The following MTDH variants were observed in gnomAD, a reference collection of about 807,000 sequenced individuals.
The protein encoded by MTDH is protein LYRIC.
Under a neutral mutation model 72.7 loss-of-function variants are expected in MTDH, and 34 were observed. The observed-to-expected ratio is 0.47, with a 90% CI of 0.36 to 0.62. The LOEUF (loss-of-function observed/expected upper bound fraction) is 0.62. MTDH is among the 20% of genes least tolerant of loss of function. The pLI is 0.00. For synonymous variants in MTDH, 266 were observed against 268.9 expected (o/e 0.99, Z 0.10); for missense variants, 677 against 699.4 (o/e 0.97, Z 0.36).
rs146233689 is a variant in MTDH at position 97,678,503 on chromosome 8, A to G, written c.484-8165A>G. Among the ~76,000 whole-genome samples, 894 of 151,808 alleles carry G rather than the reference A, an allele frequency of 5.9e-3. 5 individuals are homozygous for G. Among genetic ancestry groups the G allele is most frequent in the African/African-American group, 0.02 (818 of 41,430 alleles). On this transcript the variant is annotated intron_variant, in intron 2 of 11. Coordinates refer to ENST00000336273, the MANE Select transcript of MTDH (RefSeq NM_178812.4). ...GACTCTATTATAGCAAAATACTTTG[A>G]TAAAGCTGAACAACTTTTAAAAGCG...
chr8:97,722,940 A>G lies in MTDH; in HGVS notation c.1583A>G (p.Asp528Gly). ...CCATCTGTAATCTTATCAAAAAGTG[A>G]TTCTGACAAGAGCTCTTCCCAAGTG... ...TEPSVILSKS[D>G]SDKSSSQVPP... Residue 528 changes from aspartate to glycine, a missense_variant, in exon 11 of 12, where the codon GAT (aspartate) becomes GGT (glycine). Asp to Gly is a moderately conservative substitution (Grantham distance 94). Coordinates refer to ENST00000336273, the MANE Select transcript of MTDH (RefSeq NM_178812.4). 2 of 1,614,098 alleles carry G rather than the reference A, an allele frequency of 1.2e-6. No homozygotes were observed. The highest frequency in any genetic ancestry group is 1.7e-6 in the Non-Finnish European group (2 of 1,179,976).
At chr8:97,646,587 A>T (rs1182957287) in intron 1 of MTDH, among the ~76,000 whole-genome samples, 2 of 152,206 alleles carry the variant, frequency 1.3e-5, no homozygotes, top group Non-Finnish European at 2.9e-5. Context: ...GAGTTGAGAG[A>T]GACAGGTTCT....
chr8:97,689,576 AG>A (rs1271744284), intron 5 of MTDH, among the ~76,000 whole-genome samples: 1 of 152,182 alleles, frequency 6.6e-6, no homozygotes, highest in Non-Finnish European at 1.5e-5. Context: ...CTTTATAAAT[AG>A]AAAATATGTT....
At chr8:97,650,656 T>A (rs1440398103) in intron 1 of MTDH, among the ~76,000 whole-genome samples, 1 of 152,226 alleles carries the variant, frequency 6.6e-6, no homozygotes, top group Non-Finnish European at 1.5e-5. Flanking sequence ...GCTCCTCAGC[T>A]AGAGTTATAT....
At chr8:97,721,539 C>G (rs1032781707) in intron 10 of MTDH, among the ~76,000 whole-genome samples, 2 of 151,660 alleles carry the variant, frequency 1.3e-5, no homozygotes, top group Non-Finnish European at 2.9e-5. Flanking sequence ...TATCCTTATC[C>G]CATTTTGCTT....
intron 7 of MTDH, among the ~76,000 whole-genome samples, chr8:97,701,410 T>C (rs1375958555): frequency 1.3e-5 from 2 of 152,252 alleles, no homozygotes; most frequent in East Asian, 3.9e-4. Flanking sequence ...GTTTAGGGAA[T>C]AATGACAAGA....
chr8:97,672,812 T>TAGATAAA (rs1297101526), intron 2 of MTDH, among the ~76,000 whole-genome samples: 1 of 152,226 alleles, frequency 6.6e-6, no homozygotes, highest in Non-Finnish European at 1.5e-5. Context: ...AGTTCAAAGC[T>TAGATAAA]AGATAAAAGG....
chr8:97,699,693 G>A (rs1174499052), intron 6 of MTDH, 61 bp from the exon 7 acceptor site: 1 of 1,146,202 alleles, frequency 8.7e-7, no homozygotes, highest in Non-Finnish European at 1.3e-6. Flanking sequence ...TAGAACTATT[G>A]TTATGAAACA....
intron 1 of MTDH, among the ~76,000 whole-genome samples, chr8:97,653,962 C>T (rs117285526): frequency 0.012 from 1,772 of 152,176 alleles, 20 homozygotes; most frequent in Middle Eastern, 0.031. Flanking sequence ...TATTGAAAAC[C>T]AATGCTTGTA....
intron 8 of MTDH, among the ~76,000 whole-genome samples, chr8:97,707,449 CT>C (rs35528230): frequency 1.2e-3 from 98 of 80,222 alleles, no homozygotes; most frequent in African/African-American, 3.5e-3. Flanking sequence ...CATGCCTGGC[CT>C]TTTTTTTTTT....
intron 8 of MTDH, among the ~76,000 whole-genome samples, chr8:97,707,213 A>G (rs1425921487): frequency 1.3e-5 from 2 of 148,212 alleles, no homozygotes; most frequent in African/African-American, 5.0e-5. Context: ...GTGCAGTGGC[A>G]TGATCTCAGC....
rs376391821 is a variant in MTDH at position 97,710,683 on chromosome 8, CAAAAAAAA to C, written c.1273-2959_1273-2952del. On this transcript the variant is annotated intron_variant, in intron 8 of 11. Coordinates refer to ENST00000336273, the MANE Select transcript of MTDH (RefSeq NM_178812.4). ...CCTGGGCAACAGAGTGAGACTATCT[CAAAAAAAA>C]AAAAAAAAAAAAAAAAAAATAGATA... Among the ~76,000 whole-genome samples the C allele has an allele frequency of 8.3e-4, 44 of 53,108 alleles. 1 individual carries two copies. The highest frequency in any genetic ancestry group is 2.4e-3 in the Admixed American group (9 of 3,814). The allele number at this position is 53,108 out of a possible 152,430, so 34.8% of individuals were successfully genotyped here.
rs1815305121 is a variant in MTDH at position 97,725,106 on chromosome 8, A to G, written c.*436A>G. ...TGAATCTGTTTTATGCTTAAATCAA[A>G]GTGCTTTGATCAAATGCATAACCTG... On this transcript the variant is annotated 3_prime_UTR_variant, in exon 12 of 12. Transcript: ENST00000336273. The G allele has an allele frequency of 6.5e-6, 1 of 152,930 alleles. No individual in the cohort carries two copies. Among genetic ancestry groups the G allele is most frequent in the African/African-American group, 2.4e-5 (1 of 41,466 alleles). 9.5% of individuals were successfully genotyped at this position (152,930 alleles called of 1,614,324 possible).
Position 97,690,754 on chromosome 8 carries a change from T to C in MTDH, c.812-198T>C, listed in dbSNP as rs1264872944. ...TGTTGTACTTTCTTTGAGCAAGTTA[T>C]TCTGCTGTGAACAACTTTGTTAGTA... On this transcript the variant is annotated intron_variant, in intron 5 of 11. Transcript: ENST00000336273. 2.0e-5 allele frequency among the ~76,000 whole-genome samples: 3 copies of C among 152,216 alleles called. No homozygotes were observed. The East Asian group carries it at 5.8e-4, about 29-fold the overall frequency.
intron 7 of MTDH, among the ~76,000 whole-genome samples, chr8:97,703,977 T>C (rs1735309004): frequency 6.6e-6 from 1 of 152,218 alleles, no homozygotes; most frequent in Non-Finnish European, 1.5e-5. Context: ...TTGTTTGACA[T>C]GAAGACCCAT....
intron 9 of MTDH, among the ~76,000 whole-genome samples, chr8:97,716,398 A>T (rs1814871564): frequency 6.7e-6 from 1 of 149,636 alleles, no homozygotes; most frequent in Non-Finnish European, 1.5e-5. Context: ...AAAGAAAGAA[A>T]AAAAAAGTTA....
chr8:97,683,301 G>T (rs1813216928), intron 2 of MTDH, among the ~76,000 whole-genome samples: 1 of 151,890 alleles, frequency 6.6e-6, no homozygotes, highest in Admixed American at 6.5e-5. Flanking sequence ...CTAAGCTCAG[G>T]ATCTGCCCGC....
intron 2 of MTDH, among the ~76,000 whole-genome samples, chr8:97,680,582 A>G (rs1192990243): frequency 1.3e-5 from 2 of 152,224 alleles, no homozygotes; most frequent in African/African-American, 2.4e-5. Flanking sequence ...ATGGGACTAT[A>G]CTATAGCCTA....
chr8:97,676,880 C>A (rs1424007940), intron 2 of MTDH, among the ~76,000 whole-genome samples: 3 of 151,508 alleles, frequency 2.0e-5, no homozygotes, highest in African/African-American at 7.3e-5. Context: ...TGGCACATAC[C>A]CGTAGTCCCA....
Sources: gnomAD v4.1 joint callset for allele counts (sites outside exome capture counted in the v4.1 genomes callset) on GRCh38, gnomAD v4.1.1 for gene constraint, MANE v1.5 for transcripts, NCBI Gene and HGNC (gene_info 2026-07-23, HGNC 2026-07-21) for gene names.